The following AGT variants were observed in gnomAD, a reference collection of about 807,000 sequenced individuals.
AGT encodes alpha-1 antiproteinase, antitrypsin.
Under a neutral mutation model 28.1 loss-of-function variants are expected in AGT, and 26 were observed. The observed-to-expected ratio is 0.92, with a 90% confidence interval of 0.68 to 1.28. AGT has a LOEUF of 1.28. AGT is among the 50% of genes most tolerant of loss of function. The pLI, the probability that AGT is intolerant of heterozygous loss-of-function variation, is 0.00. For synonymous variants in AGT, 259 were observed against 259.6 expected, an observed-to-expected ratio of 1.00 and a Z score of 0.02; for missense variants, 596 against 592.3, an observed-to-expected ratio of 1.01 and a Z score of -0.06.
At chr1:230,719,307 C>G (rs1369791788), upstream of AGT, among the ~76,000 whole-genome samples, 1 of 152,022 alleles carries the variant, frequency 6.6e-6, no homozygotes, top group South Asian at 2.1e-4. Flanking sequence ...CATAGCTGTC[C>G]ATGAGCTGGA....
chr1:230,717,017 A>T (rs1663750554), upstream of AGT, among the ~76,000 whole-genome samples: 1 of 149,828 alleles, frequency 6.7e-6, no homozygotes, highest in Non-Finnish European at 1.5e-5. Context: ...CTTTGCTGAG[A>T]TGTTGTTAAT....
At chr1:230,743,930 G>A (rs571680860) in intron 1 of AGT, among the ~76,000 whole-genome samples, 33 of 152,250 alleles carry the variant, frequency 2.2e-4, no homozygotes, top group Non-Finnish European at 4.4e-4. Context: ...AGAAAAGAGA[G>A]GCCAGGAAGG....
chr1:230,721,706 G>A (rs1663846583), intron 1 of AGT, among the ~76,000 whole-genome samples: 1 of 152,208 alleles, frequency 6.6e-6, no homozygotes, highest in African/African-American at 2.4e-5. Context: ...GGGAACTGGA[G>A]CAAATGTCAC....
upstream of AGT, among the ~76,000 whole-genome samples, chr1:230,716,547 T>C (rs1278464462): frequency 6.6e-6 from 1 of 152,220 alleles, no homozygotes; most frequent in East Asian, 1.9e-4. Context: ...TGGGAGGTAA[T>C]TGAATCATGA....
chr1:230,715,882 G>C (rs6683321), upstream of AGT, among the ~76,000 whole-genome samples: 14 of 152,094 alleles, frequency 9.2e-5, no homozygotes, highest in African/African-American at 3.4e-4. Context: ...CTCCTGCCTC[G>C]GGCCCTTGGA....
chr1:230,707,198 C>A (rs567616283), intron 2 of AGT, among the ~76,000 whole-genome samples: 1 of 152,200 alleles, frequency 6.6e-6, no homozygotes, highest in Non-Finnish European at 1.5e-5. Context: ...TTGTGTGTGA[C>A]GCAGTTACCT....
intron 1 of AGT, among the ~76,000 whole-genome samples, chr1:230,733,949 G>C (rs1048076030): frequency 1.2e-4 from 18 of 152,098 alleles, no homozygotes; most frequent in South Asian, 6.2e-4. Context: ...GACAGTCCAG[G>C]CTCCACCTTT....
At chr1:230,734,052 A>T (rs901347519) in intron 1 of AGT, among the ~76,000 whole-genome samples, 19 of 152,000 alleles carry the variant, frequency 1.3e-4, no homozygotes, top group Admixed American at 5.2e-4. Flanking sequence ...TTTATAGATG[A>T]CCCTTTAACA....
intron 4 of AGT, 147 bp downstream of exon 4, chr1:230,704,046 A>T: frequency 1.7e-6 from 2 of 1,198,912 alleles, no homozygotes; most frequent in African/African-American, 1.5e-5. Context: ...TGCTCTGGCT[A>T]CTTCTCTCCC....
At chr1:230,741,164 T>C (rs183656752) in intron 1 of AGT, among the ~76,000 whole-genome samples, 2 of 152,302 alleles carry the variant, frequency 1.3e-5, no homozygotes, top group Admixed American at 6.5e-5. Flanking sequence ...TCTTCAACAA[T>C]GAATGTTTAA....
At chr1:230,721,010 C>T (rs1257919751) in intron 1 of AGT, among the ~76,000 whole-genome samples, 4 of 152,376 alleles carry the variant, frequency 2.6e-5, no homozygotes, top group African/African-American at 9.6e-5. Flanking sequence ...TTGGGTGAGG[C>T]ACCTCCAGGG....
At chr1:230,744,182 G>T (rs1165657902) in intron 1 of AGT, among the ~76,000 whole-genome samples, 1 of 152,212 alleles carries the variant, frequency 6.6e-6, no homozygotes, top group Admixed American at 6.5e-5. Context: ...GTGAGGAAGT[G>T]TGCAAGGCCT....
intron 1 of AGT, among the ~76,000 whole-genome samples, chr1:230,741,554 C>T (rs964228835): frequency 6.6e-6 from 1 of 152,232 alleles, no homozygotes; most frequent in East Asian, 1.9e-4. Context: ...CTCATTCCCA[C>T]TGAAGAAAAG....
chr1:230,713,666 G>A (rs61757169), intron 1 of AGT, among the ~76,000 whole-genome samples: 1 of 152,124 alleles, frequency 6.6e-6, no homozygotes, highest in African/African-American at 2.4e-5. Context: ...GGGAGGGGTA[G>A]GGTGACCACT....
chr1:230,721,741 C>T (rs1215411214), intron 1 of AGT, among the ~76,000 whole-genome samples: 4 of 152,216 alleles, frequency 2.6e-5, no homozygotes, highest in African/African-American at 9.7e-5. Context: ...AGCAAAGAAA[C>T]TGGCAGCATT....
intron 1 of AGT, among the ~76,000 whole-genome samples, chr1:230,740,390 G>A: frequency 6.6e-6 from 1 of 152,060 alleles, no homozygotes; most frequent in Non-Finnish European, 1.5e-5. Flanking sequence ...CTAACCTCCT[G>A]GGAAAGCAGC....
intron 1 of AGT, among the ~76,000 whole-genome samples, chr1:230,741,035 T>C (rs138950471): frequency 6.6e-6 from 1 of 152,256 alleles, no homozygotes; most frequent in Admixed American, 6.5e-5. Flanking sequence ...GATCTGTGCA[T>C]AGCATCAACC....
chr1:230,721,033 C>T (rs1442268043), intron 1 of AGT, among the ~76,000 whole-genome samples: 3 of 152,234 alleles, frequency 2.0e-5, no homozygotes, highest in African/African-American at 7.2e-5. Flanking sequence ...AGGTAGTGTG[C>T]CCCAAGCAAG....
intron 1 of AGT, among the ~76,000 whole-genome samples, chr1:230,745,284 C>T (rs560162678): frequency 1.3e-5 from 2 of 152,258 alleles, no homozygotes; most frequent in African/African-American, 2.4e-5. Context: ...GCTCCTGATC[C>T]CCTCCATGTG....
Sources: gnomAD v4.1 joint callset for allele counts (sites outside exome capture counted in the v4.1 genomes callset) on GRCh38, gnomAD v4.1.1 for gene constraint, MANE v1.5 for transcripts, NCBI Gene and HGNC (gene_info 2026-07-23, HGNC 2026-07-21) for gene names.